GJB6: variants seen among roughly 807,000 people sequenced by gnomAD.
GJB6 encodes the protein gap junction beta-6 protein.
Under a neutral mutation model 5.4 loss-of-function variants are expected in GJB6, and 5 were observed. The ratio of observed to expected loss-of-function variants is 0.92; its 90% CI spans 0.48 to 1.93. The LOEUF is 1.93. Ranked by LOEUF, GJB6 falls within the 30% of genes most tolerant of loss-of-function variation. GJB6 has a pLI of 0.01. For missense variants in GJB6, 298 were observed against 326.9 expected (o/e 0.91, Z 0.68); for synonymous variants, 136 against 129.6 (o/e 1.05, Z -0.34).
chr13:20,228,690 T>A (rs113597537), intron 4 of GJB6, among the ~76,000 whole-genome samples: 1 of 35,884 alleles, frequency 2.8e-5, no homozygotes, highest in Non-Finnish European at 1.0e-4. Flanking sequence ...TTCACCGTGT[T>A]AGCCAGGATG....
At chr13:20,230,849 C>T (rs984886859) in intron 2 of GJB6, 42 bp from the exon 3 acceptor site, 2 of 152,178 alleles carry the variant, frequency 1.3e-5, no homozygotes, top group African/African-American at 4.8e-5. Context: ...AGAAAAAAAG[C>T]ATAAAGTCAT....
At chr13:20,224,028 A>T (rs577346373) in intron 4 of GJB6, among the ~76,000 whole-genome samples, 1 of 152,254 alleles carries the variant, frequency 6.6e-6, no homozygotes, top group African/African-American at 2.4e-5. Flanking sequence ...AGGGGTTAGG[A>T]TCATCTTGAT....
Position 20,222,945 on chromosome 13 carries a change from T to A in GJB6, c.536A>T (p.Asp179Val). 6.2e-7 allele frequency: 1 copy of A among 1,614,030 alleles called. No homozygotes were observed. The highest frequency in any genetic ancestry group is 8.5e-7 in the Non-Finnish European group (1 of 1,179,958). The change falls in exon 5 of 5, where the codon GAC becomes GTC. Residue 179 changes from aspartate to valine, a missense_variant. Physicochemically the swap from Asp to Val is radical, Grantham distance 152. Coordinates refer to ENST00000647029, the MANE Select transcript of GJB6 (RefSeq NM_001110219.3). ...CGIDPCPNLV[D>V]CFISRPTEKT... ...CTCTGTTGGCCTAGAAATAAAGCAG[T>A]CAACAAGGTTGGGGCAGGGGTCAAT...
At chr13:20,226,555 G>A (rs1253456162) in intron 4 of GJB6, among the ~76,000 whole-genome samples, 1 of 152,126 alleles carries the variant, frequency 6.6e-6, no homozygotes, top group Non-Finnish European at 1.5e-5. Context: ...TAAATGATAT[G>A]ATTTGTAAAA....
At chr13:20,228,595 C>A (rs376714010) in intron 4 of GJB6, among the ~76,000 whole-genome samples, 2 of 148,762 alleles carry the variant, frequency 1.3e-5, no homozygotes, top group Non-Finnish European at 3.0e-5. Context: ...GCCGTTCTCC[C>A]GCCTCAGCCT....
chr13:20,227,381 C>T lies in GJB6; in HGVS notation c.-16+2199G>A, dbSNP rs138090235. ...CTTGCTGAGAAAAATGAGGTTAAAT[C>T]CAATACAAGTGTGTCTAACTCCCCG... On this transcript the variant is annotated intron_variant, in intron 4 of 4. Coordinates refer to ENST00000647029, the MANE Select transcript of GJB6 (RefSeq NM_001110219.3). Among the ~76,000 whole-genome samples the T allele has an allele frequency of 8.0e-3, 1,219 of 152,200 alleles. 18 individuals are homozygous for T. Among genetic ancestry groups the T allele is most frequent in the Middle Eastern group, 0.068 (20 of 294 alleles).
chr13:20,224,595 C>T (rs1307275205), intron 4 of GJB6, among the ~76,000 whole-genome samples: 2 of 152,102 alleles, frequency 1.3e-5, no homozygotes, highest in African/African-American at 4.8e-5. Context: ...TTCTCTATCC[C>T]GAGAGAAAAA....
intron 4 of GJB6, among the ~76,000 whole-genome samples, chr13:20,227,785 C>T (rs1426977112): frequency 6.6e-6 from 1 of 152,226 alleles, no homozygotes; most frequent in Non-Finnish European, 1.5e-5. Context: ...AAATTTCCAG[C>T]ACATTGCTGC....
At chr13:20,230,255 T>C (rs974883778) in intron 3 of GJB6, among the ~76,000 whole-genome samples, 6 of 152,212 alleles carry the variant, frequency 3.9e-5, no homozygotes, top group African/African-American at 9.6e-5. Flanking sequence ...GGGATTCATA[T>C]ATTTCAAAAT....
chr13:20,230,285 C>T (rs919115003), intron 3 of GJB6, among the ~76,000 whole-genome samples: 1 of 152,128 alleles, frequency 6.6e-6, no homozygotes, highest in South Asian at 2.1e-4. Flanking sequence ...AAAAATGAAA[C>T]GTTTCTGTCT....
chr13:20,228,685 C>G (rs575600461), intron 4 of GJB6, among the ~76,000 whole-genome samples: 1 of 96,348 alleles, frequency 1.0e-5, no homozygotes, highest in African/African-American at 2.8e-5. Context: ...GGGGTTTCAC[C>G]GTGTTAGCCA....
chr13:20,222,031 T>C lies in GJB6; in HGVS notation c.*664A>G, dbSNP rs373737271. On this transcript the variant is annotated 3_prime_UTR_variant, in exon 5 of 5. Coordinates refer to ENST00000647029, the MANE Select transcript of GJB6 (RefSeq NM_001110219.3). ...TCCACATTTCAGTTGTTTGCAATGA[T>C]TGGCAAACGGATGAGTTAAAAAAGC... is the stretch of plus-strand genomic sequence containing the variant. 14 of 152,788 alleles carry C rather than the reference T, an allele frequency of 9.2e-5. No homozygotes were observed. The highest frequency in any genetic ancestry group is 3.4e-4 in the African/African-American group (14 of 41,444). 9.5% of individuals were successfully genotyped at this position (152,788 alleles called of 1,614,324 possible).
intron 2 of GJB6, chr13:20,231,065 G>A (rs1375152548): frequency 6.6e-6 from 1 of 152,360 alleles, no homozygotes; most frequent in Non-Finnish European, 1.5e-5. Flanking sequence ...GACGCTGCTG[G>A]ATCCAAACAA....
intron 4 of GJB6, among the ~76,000 whole-genome samples, chr13:20,227,135 T>G (rs1454984965): frequency 2.6e-5 from 4 of 151,536 alleles, no homozygotes; most frequent in Admixed American, 6.6e-5. Context: ...TTCTCCCTGT[T>G]TTTTTTTTCT....
chr13:20,230,342 T>G (rs575487846), intron 3 of GJB6, among the ~76,000 whole-genome samples: 1 of 152,374 alleles, frequency 6.6e-6, no homozygotes, highest in East Asian at 1.9e-4. Context: ...TTACGTATGT[T>G]TCTTACATCA....
Position 20,222,435 on chromosome 13 carries a change from G to A in GJB6, c.*260C>T, listed in dbSNP as rs934122811. Reference sequence around the variant, plus strand: ...CAGAAAGTACCCACTTTGTCAGAGAGTCCACTTAAAAGGAACCTGTCAAAG... The same window carrying A: ...CAGAAAGTACCCACTTTGTCAGAGAATCCACTTAAAAGGAACCTGTCAAAG... On this transcript the variant is annotated 3_prime_UTR_variant, in exon 5 of 5. Coordinates refer to ENST00000647029, the MANE Select transcript of GJB6 (RefSeq NM_001110219.3). 6.3e-6 allele frequency: 3 copies of A among 474,430 alleles called. No individual in the cohort carries two copies. Among genetic ancestry groups the A allele is most frequent in the Non-Finnish European group, 1.1e-5 (3 of 267,196 alleles). 29.4% of individuals were successfully genotyped at this position (474,430 alleles called of 1,614,324 possible).
intron 4 of GJB6, among the ~76,000 whole-genome samples, chr13:20,226,140 G>A (rs942152474): frequency 3.3e-5 from 5 of 152,104 alleles, no homozygotes; most frequent in Admixed American, 2.0e-4. Context: ...CCTCACAGCC[G>A]AGAGAACAGA....
At position 20,222,700 on chromosome 13, in the gene GJB6, T is replaced by C. The variant is rs143962007; in HGVS notation, c.781A>G (p.Ser261Gly). 35 of 1,613,998 alleles carry C rather than the reference T, an allele frequency of 2.2e-5. No homozygotes were observed. The African/African-American group carries it at 4.3e-4, about 20-fold the overall frequency. Residue 261 changes from serine (S) to glycine (G), a missense_variant, in exon 5 of 5, where the codon AGC becomes GGC. Coordinates refer to ENST00000647029, the MANE Select transcript of GJB6 (RefSeq NM_001110219.3). Reference sequence around the variant, plus strand: ...TACATTTTACCTTGAAATGTTTAGCTTGGGAAACCTGTGATTGCATTTTGA... The same window carrying C: ...TACATTTTACCTTGAAATGTTTAGCCTGGGAAACCTGTGATTGCATTTTGA... The part of the protein sequence containing the change: ...SGQNAITGFP[S>G]
chr13:20,225,747 T>C (rs574672885), intron 4 of GJB6: 4 of 152,336 alleles, frequency 2.6e-5, no homozygotes, highest in African/African-American at 7.2e-5. Context: ...ACAGTGTCAC[T>C]AAACTTCTTG....
Sources: allele counts gnomAD v4.1 joint callset (sites outside exome capture counted in the v4.1 genomes callset), GRCh38; gene constraint gnomAD v4.1.1; transcripts MANE v1.5; gene names NCBI Gene and HGNC (gene_info 2026-07-23, HGNC 2026-07-21).